Variants in SYTL2 observed in about 807,000 individuals in gnomAD.
SYTL2 encodes the protein synaptotagmin like 2, also known as synaptotagmin-like protein 2.
Under a neutral mutation model 198.7 loss-of-function variants are expected in SYTL2, and 165 were observed. The observed-to-expected ratio is 0.83, with a 90% CI of 0.73 to 0.94. The LOEUF (loss-of-function observed/expected upper bound fraction) is 0.94, where lower values mean the gene tolerates loss of function less well. Among genes scored for constraint, SYTL2 ranks in the 40% least tolerant of loss-of-function variants. The pLI is 0.00. For missense variants in SYTL2, 2,835 were observed against 2,582.8 expected, an observed-to-expected ratio of 1.10 and a Z score of -2.12; for synonymous variants, 966 against 917.7, an observed-to-expected ratio of 1.05 and a Z score of -0.95.
At chr11:85,705,422 A>G (rs2084975656) in intron 15 of SYTL2, among the ~76,000 whole-genome samples, 2 of 152,196 alleles carry the variant, frequency 1.3e-5, no homozygotes, top group Admixed American at 1.3e-4. Context: ...CTTTTTTAAA[A>G]TAGTCTTTTT....
Position 85,730,157 on chromosome 11 carries a change from C to T in SYTL2, c.1391-2190G>A, listed in dbSNP as rs150518508. Among the ~76,000 whole-genome samples, 1,269 of 152,216 alleles carry T rather than the reference C, an allele frequency of 8.3e-3. 12 individuals are homozygous for T. The highest frequency in any genetic ancestry group is 0.013 in the Non-Finnish European group (850 of 67,996). ...AGATGGATTCACAGCCGAATTCTAC[C>T]GGAGGTACAAAGAGGAGCTGGTACC... On this transcript the variant is annotated intron_variant, in intron 7 of 19. Transcript: ENST00000359152.
At chr11:85,822,217 A>C in the SYTL2 span, among the ~76,000 whole-genome samples, 1 of 152,168 alleles carries the variant, frequency 6.6e-6, no homozygotes, top group African/African-American at 2.4e-5. Context: ...TGTGAGTCTC[A>C]GGTGTAAGCA....
chr11:85,779,494 T>C (rs1203969813), intron 1 of SYTL2, among the ~76,000 whole-genome samples: 3 of 152,228 alleles, frequency 2.0e-5, no homozygotes, highest in Non-Finnish European at 4.4e-5. Flanking sequence ...CCATATGTGC[T>C]CTTAATTACT....
At chr11:85,745,168 C>T (rs1287686012) in intron 4 of SYTL2, among the ~76,000 whole-genome samples, 1 of 152,108 alleles carries the variant, frequency 6.6e-6, no homozygotes, top group Non-Finnish European at 1.5e-5. Context: ...AATGTCTTGC[C>T]CATAGTCAAA....
At chr11:85,762,068 T>C (rs2092109309) in intron 1 of SYTL2, among the ~76,000 whole-genome samples, 2 of 152,224 alleles carry the variant, frequency 1.3e-5, no homozygotes, top group Admixed American at 1.3e-4. Context: ...TGTGTCAGAA[T>C]AAGCCAACCC....
rs535861161 is a variant in SYTL2, at chr11:85,805,121, G to C, written c.-390+5833C>G. ...GCTATGACAATAGTTGCAGTCTTGG[G>C]GATAGCAAAGGTCTCAGGATGAAAA... On this transcript the variant is annotated intron_variant, in intron 1 of 19. Transcript: ENST00000359152. Among the ~76,000 whole-genome samples the C allele has an allele frequency of 5.3e-5, 8 of 152,198 alleles. No individual in the cohort carries two copies. The South Asian group carries it at 1.7e-3, about 32-fold the overall frequency.
the SYTL2 span, among the ~76,000 whole-genome samples, chr11:85,849,317 G>A: frequency 6.6e-6 from 1 of 152,162 alleles, no homozygotes; most frequent in Non-Finnish European, 1.5e-5. Flanking sequence ...TGTCAATTTT[G>A]TCTTTTGTTG....
chr11:85,800,212 T>G (rs1212856731), intron 1 of SYTL2, among the ~76,000 whole-genome samples: 3 of 152,004 alleles, frequency 2.0e-5, no homozygotes, highest in Non-Finnish European at 4.4e-5. Context: ...ACTAACACAG[T>G]GAAAGGGCTT....
chr11:85,709,384 C>A lies in SYTL2; in HGVS notation c.5862G>T (p.Val1954=), dbSNP rs1311402732. 1.9e-6 allele frequency: 3 copies of A among 1,614,110 alleles called. No homozygotes were observed. The highest frequency in any genetic ancestry group is 3.3e-4 in the Middle Eastern group (2 of 6,060). The change falls in exon 14 of 20, where the codon GTG becomes GTT. Residue 1954 remains valine (V), a synonymous_variant. Coordinates refer to ENST00000359152, the MANE Select transcript of SYTL2 (RefSeq NM_206927.4). ...CTGCTGCTAAGTCCTTACACTGGGCCACAAAAACATGCAACTCCTTCAGTG... is the reference window on the plus strand; with the variant it reads ...CTGCTGCTAAGTCCTTACACTGGGCAACAAAAACATGCAACTCCTTCAGTG... ...VESLKELHVF[V]AQCKDLAAAD...
chr11:85,841,422 A>G, the SYTL2 span, among the ~76,000 whole-genome samples: 5 of 152,346 alleles, frequency 3.3e-5, no homozygotes, highest in African/African-American at 1.2e-4. Flanking sequence ...ATCAACCTAA[A>G]TTACCATCAA....
intron 13 of SYTL2, 141 bp downstream of exon 13, chr11:85,710,972 G>T: frequency 1.2e-6 from 1 of 834,320 alleles, no homozygotes; most frequent in Non-Finnish European, 1.8e-6. Flanking sequence ...GATGTAGCTA[G>T]CCAGAAGCTA....
At chr11:85,813,911 C>T (rs185234429), upstream of SYTL2, among the ~76,000 whole-genome samples, 15 of 152,230 alleles carry the variant, frequency 9.9e-5, no homozygotes, top group East Asian at 2.9e-3. Context: ...TTAGTAGAGA[C>T]GTGGTTTCGC....
rs145499455 is a variant in SYTL2 at position 85,764,836 on chromosome 11, T to C, written c.-389-6722A>G. Among the ~76,000 whole-genome samples the C allele has an allele frequency of 7.6e-3, 1,156 of 152,350 alleles. 12 individuals carry two copies. The highest frequency in any genetic ancestry group is 0.017 in the Admixed American group (265 of 15,298). On this transcript the variant is annotated intron_variant, in intron 1 of 19. Transcript: ENST00000359152. Reference sequence around the variant, plus strand: ...TATTTATATATGCCTACTAGCCTCTTAGAATGGTATCAATCCCTCGAACCA... The same window carrying C: ...TATTTATATATGCCTACTAGCCTCTCAGAATGGTATCAATCCCTCGAACCA...
intron 7 of SYTL2, among the ~76,000 whole-genome samples, chr11:85,728,313 G>A (rs2089449611): frequency 6.6e-6 from 1 of 152,098 alleles, no homozygotes; most frequent in Non-Finnish European, 1.5e-5. Flanking sequence ...TTGAGATGGA[G>A]TCTCGCTCTG....
At chr11:85,734,867 G>T in intron 6 of SYTL2, 125 bp from the exon 7 acceptor site, 1 of 767,462 alleles carries the variant, frequency 1.3e-6, no homozygotes, top group Non-Finnish European at 2.0e-6. Context: ...AAAGTATGTG[G>T]CACAACTACA....
chr11:85,789,097 TTTTA>T (rs1311038737), intron 1 of SYTL2, among the ~76,000 whole-genome samples: 1 of 150,930 alleles, frequency 6.6e-6, no homozygotes, highest in Non-Finnish European at 1.5e-5. Flanking sequence ...AAATTACACA[TTTTA>T]TTTATTTATA....
intron 12 of SYTL2, among the ~76,000 whole-genome samples, chr11:85,713,810 T>C (rs1037133651): frequency 6.6e-6 from 1 of 152,188 alleles, no homozygotes; most frequent in African/African-American, 2.4e-5. Context: ...CAGTATATAG[T>C]ATAGTCATTA....
the SYTL2 span, among the ~76,000 whole-genome samples, chr11:85,833,043 GAAAGAAAGAAA>G: frequency 8.7e-5 from 2 of 23,008 alleles, no homozygotes; most frequent in African/African-American, 3.9e-4. Flanking sequence ...AAGAAAGAAA[GAAAGAAAGAAA>G]GAAAGAAAGA....
chr11:85,738,914 C>G (rs575160552), intron 4 of SYTL2, among the ~76,000 whole-genome samples: 10 of 152,264 alleles, frequency 6.6e-5, no homozygotes, highest in Admixed American at 3.9e-4. Context: ...ATCCTTCTCC[C>G]TCTGCTCCCT....
Sources: allele counts gnomAD v4.1 joint callset (sites outside exome capture counted in the v4.1 genomes callset), GRCh38; gene constraint gnomAD v4.1.1; transcripts MANE v1.5; gene names NCBI Gene and HGNC (gene_info 2026-07-23, HGNC 2026-07-21).